DCC: variants seen among roughly 807,000 people sequenced by gnomAD.
DCC encodes netrin receptor DCC.
In DCC, 58 loss-of-function variants were observed where a neutral mutation model predicts 172.5. The ratio of observed to expected loss-of-function variants is 0.34; its 90% confidence interval spans 0.27 to 0.42. The LOEUF (loss-of-function observed/expected upper bound fraction) is 0.42. Among genes scored for constraint, DCC ranks in the 10% least tolerant of loss-of-function variants. The pLI, the probability that DCC is intolerant of heterozygous loss-of-function variation, is 1.00. For missense variants in DCC, 1,740 were observed against 1,791.0 expected, an observed-to-expected ratio of 0.97 and a Z score of 0.51; for synonymous variants, 709 against 644.5, an observed-to-expected ratio of 1.10 and a Z score of -1.52.
intron 8 of DCC, among the ~76,000 whole-genome samples, chr18:53,178,303 A>C (rs1351107012): frequency 6.6e-6 from 1 of 152,232 alleles, no homozygotes; most frequent in Non-Finnish European, 1.5e-5. Flanking sequence ...AGTTTGCAAC[A>C]CTGAGGAAGT....
At chr18:52,828,310 T>C (rs2038549958) in intron 2 of DCC, among the ~76,000 whole-genome samples, 1 of 152,142 alleles carries the variant, frequency 6.6e-6, no homozygotes, top group African/African-American at 2.4e-5. Context: ...GGCTTATGGT[T>C]CCAGACCTAT....
intron 1 of DCC, among the ~76,000 whole-genome samples, chr18:52,684,204 G>C (rs1052952058): frequency 3.3e-5 from 5 of 152,012 alleles, no homozygotes; most frequent in African/African-American, 1.2e-4. Context: ...ATATTCTGTG[G>C]ATATCTGACC....
At chr18:53,515,459 C>A (rs1261256908) in intron 27 of DCC, among the ~76,000 whole-genome samples, 1 of 149,918 alleles carries the variant, frequency 6.7e-6, no homozygotes, top group Non-Finnish European at 1.5e-5. Flanking sequence ...GGCAATTAGG[C>A]AGGAGAAGGA....
chr18:52,392,925 G>T (rs1343864166), intron 1 of DCC, among the ~76,000 whole-genome samples: 1 of 151,994 alleles, frequency 6.6e-6, no homozygotes, highest in Non-Finnish European at 1.5e-5. Context: ...TGTCCCTTTA[G>T]GATCTTCTTC....
intron 20 of DCC, among the ~76,000 whole-genome samples, chr18:53,415,343 A>G (rs1910247451): frequency 6.6e-6 from 1 of 152,172 alleles, no homozygotes; most frequent in Non-Finnish European, 1.5e-5. Context: ...TCAAAGCTCA[A>G]AGACGGTCAA....
chr18:52,439,624 A>G lies in DCC; in HGVS notation c.91+98746A>G, dbSNP rs149220899. On this transcript the variant is annotated intron_variant, in intron 1 of 28. Transcript: ENST00000442544. The stretch of plus-strand genomic sequence containing the variant: ...ACGAGGTTTGTTTAAGTTTTGACAC[A>G]GATTAATTCAACCTGTTAAATAGCA... 1.3e-3 allele frequency among the ~76,000 whole-genome samples: 204 copies of G among 152,330 alleles called. 6 individuals carry two copies. In the East Asian group the frequency reaches 0.022, roughly 16 times the overall value.
At chr18:53,077,576 A>T (rs912704037) in intron 7 of DCC, among the ~76,000 whole-genome samples, 1 of 152,162 alleles carries the variant, frequency 6.6e-6, no homozygotes, top group African/African-American at 2.4e-5. Context: ...ATCTCAGAGA[A>T]GCCAGGGTAT....
intron 1 of DCC, among the ~76,000 whole-genome samples, chr18:52,566,215 G>A (rs1314047899): frequency 6.6e-6 from 1 of 152,102 alleles, no homozygotes; most frequent in Non-Finnish European, 1.5e-5. Flanking sequence ...GTCCTTTGCA[G>A]GGACATGGAT....
chr18:53,423,342 A>C (rs1910739597), intron 21 of DCC, among the ~76,000 whole-genome samples: 1 of 152,098 alleles, frequency 6.6e-6, no homozygotes, highest in Non-Finnish European at 1.5e-5. Context: ...CTGCCGCTTC[A>C]ATTTTCTTTC....
intron 12 of DCC, among the ~76,000 whole-genome samples, chr18:53,287,848 G>A (rs2056953916): frequency 6.6e-6 from 1 of 152,126 alleles, no homozygotes; most frequent in African/African-American, 2.4e-5. Flanking sequence ...GATAACAAAA[G>A]AGACTATTAA....
intron 22 of DCC, among the ~76,000 whole-genome samples, chr18:53,436,923 C>A (rs187271206): frequency 6.6e-6 from 1 of 152,198 alleles, no homozygotes; most frequent in East Asian, 1.9e-4. Context: ...CTGTGTTCTC[C>A]CATGGTGTTT....
intron 1 of DCC, among the ~76,000 whole-genome samples, chr18:52,558,548 C>T (rs147761618): frequency 7.7e-4 from 117 of 152,192 alleles, no homozygotes; most frequent in Non-Finnish European, 1.2e-3. Flanking sequence ...ATACTATGTT[C>T]CTCTATTTTG....
chr18:53,124,672 C>A (rs576464465), intron 7 of DCC, among the ~76,000 whole-genome samples: 5 of 152,066 alleles, frequency 3.3e-5, no homozygotes, highest in African/African-American at 1.2e-4. Context: ...TTGCATTTCC[C>A]TTAGTAACAT....
chr18:52,973,247 T>A (rs2041060172), intron 5 of DCC, among the ~76,000 whole-genome samples: 1 of 152,198 alleles, frequency 6.6e-6, no homozygotes, highest in African/African-American at 2.4e-5. Context: ...TATTCATGTT[T>A]AATAACTTTA....
At chr18:53,410,893 G>A (rs1485869266) in intron 20 of DCC, among the ~76,000 whole-genome samples, 4 of 150,630 alleles carry the variant, frequency 2.7e-5, no homozygotes, top group African/African-American at 7.3e-5. Flanking sequence ...GAAGTTTATT[G>A]ATGTCATGTA....
chr18:53,272,814 TTG>T (rs2056763675), intron 12 of DCC, among the ~76,000 whole-genome samples: 1 of 152,180 alleles, frequency 6.6e-6, no homozygotes, highest in Non-Finnish European at 1.5e-5. Flanking sequence ...CTTCAAAAAA[TTG>T]TGTTATCCTT....
intron 5 of DCC, among the ~76,000 whole-genome samples, chr18:52,979,746 A>G (rs1192357366): frequency 3.3e-5 from 5 of 152,238 alleles, no homozygotes; most frequent in Non-Finnish European, 7.3e-5. Flanking sequence ...AATGGGTAAC[A>G]TATCCAGTCA....
intron 12 of DCC, among the ~76,000 whole-genome samples, chr18:53,228,348 C>T (rs768234462): frequency 1.9e-4 from 29 of 152,120 alleles, no homozygotes; most frequent in African/African-American, 3.1e-4. Context: ...AGGTTATTTC[C>T]GTTACAATCT....
chr18:52,386,221 C>T (rs1985793600), intron 1 of DCC, among the ~76,000 whole-genome samples: 1 of 152,184 alleles, frequency 6.6e-6, no homozygotes, highest in South Asian at 2.1e-4. Flanking sequence ...ACCGCTATTT[C>T]AGAACATTTC....
Sources: gnomAD v4.1 joint callset for allele counts (sites outside exome capture counted in the v4.1 genomes callset) on GRCh38, gnomAD v4.1.1 for gene constraint, MANE v1.5 for transcripts, NCBI Gene and HGNC (gene_info 2026-07-23, HGNC 2026-07-21) for gene names.